Variants in SLC9A6 observed in about 807,000 individuals in gnomAD.
SLC9A6 encodes the protein sodium/hydrogen exchanger 6.
A neutral mutation model predicts 45.3 loss-of-function variants in SLC9A6; 6 were observed. The observed-to-expected ratio is 0.13, with a 90% CI of 0.07 to 0.26. SLC9A6 has a LOEUF of 0.26. Among genes scored for constraint, SLC9A6 ranks in the 10% least tolerant of loss-of-function variants. The pLI, the probability that SLC9A6 is intolerant of heterozygous loss-of-function variation, is 1.00. For synonymous variants in SLC9A6, 191 were observed against 187.7 expected, an observed-to-expected ratio of 1.02 and a Z score of -0.14; for missense variants, 278 against 503.7, an observed-to-expected ratio of 0.55 and a Z score of 4.29.
At chrX:135,982,864 T>C (rs896720232), upstream of SLC9A6, among the ~76,000 whole-genome samples, 2 of 112,145 alleles carry the variant, frequency 1.8e-5, no homozygotes, top group African/African-American at 6.5e-5. Context: ...TTTAAGTAGA[T>C]AGCAGGGTAG....
chrX:136,010,227 C>G, intron 7 of SLC9A6: 2 of 305,472 alleles, frequency 6.5e-6, no homozygotes, highest in East Asian at 6.2e-5. Flanking sequence ...ATGTTCTACC[C>G]CCCCCCCGAA....
At chrX:136,040,272 G>GT (rs1431425269) in intron 17 of SLC9A6, 91 bp downstream of exon 17, 6 of 706,402 alleles carry the variant, frequency 8.5e-6, no homozygotes, top group South Asian at 2.4e-5. Flanking sequence ...ATTTTGGTTT[G>GT]TTTTTTTGCC....
chrX:136,027,701 G>A (rs140225058), intron 13 of SLC9A6, among the ~76,000 whole-genome samples: 47 of 112,404 alleles, frequency 4.2e-4, no homozygotes, highest in African/African-American at 1.4e-3. Context: ...GATGTGGCCT[G>A]TAGGCTGTAC....
chrX:135,983,148 CAATG>C (rs1556614363), upstream of SLC9A6, among the ~76,000 whole-genome samples: 1 of 111,565 alleles, frequency 9.0e-6, no homozygotes, highest in Non-Finnish European at 1.9e-5. Context: ...CAATGTGAAA[CAATG>C]GGAGTGAGCA....
chrX:136,010,526 T>C lies in SLC9A6; in HGVS notation c.828T>C (p.Leu276=). 8.3e-7 allele frequency: 1 copy of C among 1,211,050 alleles called. No homozygotes were observed. The highest frequency in any genetic ancestry group is 1.1e-6 in the Non-Finnish European group (1 of 894,605). ...TGTTCAAGTCTATTGGGATCTTCCT[T>C]GGAATCTTCAGTGGATCTTTTGCAA... The part of the protein sequence containing the change: ...TAMFKSIGIF[L]GIFSGSFAMG... Residue 276 remains leucine (L), a synonymous_variant, in exon 8 of 18, where the codon CTT becomes CTC. Transcript: ENST00000630721.
rs146076994 is a variant in SLC9A6, at chrX:135,987,196, G to C, written c.169+1369G>C. On this transcript the variant is annotated intron_variant, in intron 2 of 17. Coordinates refer to ENST00000630721, the MANE Select transcript of SLC9A6 (RefSeq NM_001379110.1). ...TTCCTAGTTTTTAGACATATTAGAT[G>C]GTTTTTATATTTAATATGTTTTGCA... 4.4e-3 allele frequency among the ~76,000 whole-genome samples: 487 copies of C among 111,893 alleles called. 1 individual carries two copies. Among genetic ancestry groups the C allele is most frequent in the Middle Eastern group, 0.014 (3 of 218 alleles).
chrX:136,011,174 A>C (rs2070912972), intron 8 of SLC9A6, among the ~76,000 whole-genome samples: 1 of 112,554 alleles, frequency 8.9e-6, no homozygotes. Flanking sequence ...ACCACCATGC[A>C]ATATATCCAT....
At chrX:136,024,073 G>A (rs782587835) in intron 12 of SLC9A6, among the ~76,000 whole-genome samples, 1 of 111,100 alleles carries the variant, frequency 9.0e-6, no homozygotes, top group African/African-American at 3.3e-5. Context: ...TTTTAGTAGA[G>A]ATGGGGTTTC....
At chrX:135,990,471 C>T (rs185507546) in intron 2 of SLC9A6, among the ~76,000 whole-genome samples, 215 of 112,102 alleles carry the variant, frequency 1.9e-3, no homozygotes, top group Non-Finnish European at 3.0e-3. Flanking sequence ...TTTACAGAAC[C>T]CTCGTTAACT....
intron 2 of SLC9A6, among the ~76,000 whole-genome samples, chrX:135,991,714 G>A (rs1182770283): frequency 3.6e-5 from 4 of 110,999 alleles, no homozygotes; most frequent in African/African-American, 1.3e-4. Context: ...TGCCTTACTC[G>A]ACTTTACTAT....
At chrX:136,043,657 T>C (rs1013377337) in intron 17 of SLC9A6, among the ~76,000 whole-genome samples, 9 of 112,213 alleles carry the variant, frequency 8.0e-5, no homozygotes, top group Non-Finnish European at 1.7e-4. Context: ...AAAAGTAATA[T>C]ATACTCATTA....
intron 1 of SLC9A6, among the ~76,000 whole-genome samples, chrX:135,975,981 C>CAAAAAAAAAAA (rs782541566): frequency 3.2e-5 from 2 of 62,459 alleles, no homozygotes; most frequent in African/African-American, 6.3e-5. Context: ...TTTCTCTAAC[C>CAAAAAAAAAAA]AAAAAAAAAA....
intron 1 of SLC9A6, among the ~76,000 whole-genome samples, chrX:135,978,021 GATA>G (rs782805586): frequency 8.9e-6 from 1 of 112,262 alleles, no homozygotes; most frequent in African/African-American, 3.2e-5. Context: ...GTGAAATGAG[GATA>G]ATAATAGTGT....
At chrX:135,988,460 CTTTCTTTCTTTCT>C (rs2089374646) in intron 2 of SLC9A6, among the ~76,000 whole-genome samples, 2 of 103,447 alleles carry the variant, frequency 1.9e-5, no homozygotes, top group African/African-American at 7.2e-5. Flanking sequence ...TCTCTCTTTT[CTTTCTTTCTTTCT>C]TTTCTTTCTT....
intron 16 of SLC9A6, among the ~76,000 whole-genome samples, chrX:136,034,695 C>T (rs1352990248): frequency 8.9e-6 from 1 of 111,949 alleles, no homozygotes; most frequent in East Asian, 2.8e-4. Flanking sequence ...GAAGCTACTA[C>T]TTACCATGTT....
chrX:136,037,253 C>T (rs1175319548), intron 16 of SLC9A6, among the ~76,000 whole-genome samples: 1 of 109,224 alleles, frequency 9.2e-6, no homozygotes, highest in Non-Finnish European at 1.9e-5. Flanking sequence ...TGTGCATGTG[C>T]ACACACACGC....
chrX:136,021,921 T>C (rs951035945), intron 11 of SLC9A6, among the ~76,000 whole-genome samples: 1 of 112,312 alleles, frequency 8.9e-6, no homozygotes, highest in Non-Finnish European at 1.9e-5. Flanking sequence ...ATTGCCATCA[T>C]AAAGCAGGAG....
chrX:136,028,123 A>C (rs782218179), intron 13 of SLC9A6, among the ~76,000 whole-genome samples: 2 of 112,134 alleles, frequency 1.8e-5, no homozygotes, highest in African/African-American at 6.5e-5. Context: ...TGTAGCACTT[A>C]TTTTATTCAG....
intron 2 of SLC9A6, among the ~76,000 whole-genome samples, chrX:135,991,147 A>G: frequency 8.9e-6 from 1 of 111,865 alleles, no homozygotes; most frequent in South Asian, 3.7e-4. Flanking sequence ...AGTTGGTGTC[A>G]TTATACTACT....
Sources: gnomAD v4.1 joint callset for allele counts (sites outside exome capture counted in the v4.1 genomes callset) on GRCh38, gnomAD v4.1.1 for gene constraint, MANE v1.5 for transcripts, NCBI Gene and HGNC (gene_info 2026-07-23, HGNC 2026-07-21) for gene names.